Variants in PUDP observed in about 807,000 individuals in gnomAD.
The protein encoded by PUDP is pseudouridine-5'-phosphatase.
PUDP carries 8 observed loss-of-function variants against 9.4 expected under a neutral mutation model. The observed-to-expected ratio is 0.85, with a 90% CI of 0.50 to 1.53. PUDP has a LOEUF of 1.53. Among genes scored for constraint, PUDP ranks in the 40% most tolerant of loss-of-function variants. The probability of loss-of-function intolerance (pLI) is 0.00; values close to 1 mark genes in which losing one functional copy is unlikely to be tolerated. For missense variants in PUDP, 188 were observed against 189.7 expected (o/e 0.99, Z 0.05); for synonymous variants, 99 against 80.7 (o/e 1.23, Z -1.22).
chrX:6,778,942 C>T (rs1311376376), intron 3 of PUDP, among the ~76,000 whole-genome samples: 1 of 111,871 alleles, frequency 8.9e-6, no homozygotes, highest in Non-Finnish European at 1.9e-5. Flanking sequence ...TGCAGGAGTG[C>T]GGCCACAAAA....
At chrX:6,939,764 G>T (rs918220201) in intron 3 of PUDP, among the ~76,000 whole-genome samples, 12 of 107,611 alleles carry the variant, frequency 1.1e-4, no homozygotes, top group African/African-American at 4.1e-4. Context: ...TATGAGGGAG[G>T]ATCATAGCTC....
At chrX:6,903,269 C>T (rs967885782) in intron 3 of PUDP, among the ~76,000 whole-genome samples, 1 of 111,796 alleles carries the variant, frequency 8.9e-6, no homozygotes, top group Non-Finnish European at 1.9e-5. Context: ...ACTTTCAAAT[C>T]ACCTTTCACC....
At chrX:7,080,012 G>C (rs1424116032) in intron 2 of PUDP, among the ~76,000 whole-genome samples, 2 of 111,612 alleles carry the variant, frequency 1.8e-5, no homozygotes, top group Non-Finnish European at 3.8e-5. Flanking sequence ...AATAAAAGTA[G>C]AATACAGAAA....
intron 1 of PUDP, among the ~76,000 whole-genome samples, chrX:7,138,812 T>C (rs1463013004): frequency 1.8e-5 from 2 of 112,365 alleles, no homozygotes; most frequent in Non-Finnish European, 3.8e-5. Context: ...TTCCTTCTTG[T>C]GTTCTTACAC....
chrX:7,127,691 C>T (rs1932518721), intron 1 of PUDP, among the ~76,000 whole-genome samples: 1 of 112,236 alleles, frequency 8.9e-6, no homozygotes, highest in African/African-American at 3.2e-5. Context: ...TATTTTATTA[C>T]TTGTACTTTT....
chrX:6,802,977 T>TAAA (rs1410847407), intron 3 of PUDP, among the ~76,000 whole-genome samples: 3 of 8,770 alleles, frequency 3.4e-4, no homozygotes, highest in Non-Finnish European at 4.9e-4. Flanking sequence ...AAAATAAAAA[T>TAAA]ATAAAATAAA....
chrX:6,820,489 C>T (rs958430882), intron 3 of PUDP, among the ~76,000 whole-genome samples: 2 of 111,699 alleles, frequency 1.8e-5, no homozygotes, highest in Non-Finnish European at 3.8e-5. Flanking sequence ...TGCCTATGAG[C>T]CTGTAAAATC....
intron 3 of PUDP, among the ~76,000 whole-genome samples, chrX:6,783,360 G>T (rs755423464): frequency 9.0e-6 from 1 of 111,226 alleles, no homozygotes; most frequent in Non-Finnish European, 1.9e-5. Flanking sequence ...GGAACGCCCT[G>T]CTCTGTCTAT....
At chrX:6,784,198 A>C (rs956526191) in intron 3 of PUDP, among the ~76,000 whole-genome samples, 2 of 112,045 alleles carry the variant, frequency 1.8e-5, no homozygotes. Context: ...GCCCTCCAGC[A>C]GAAGTTTTAC....
chrX:6,838,618 G>A (rs893488919), intron 3 of PUDP, among the ~76,000 whole-genome samples: 1 of 112,150 alleles, frequency 8.9e-6, no homozygotes, highest in Admixed American at 9.5e-5. Context: ...GCCACTCATT[G>A]GCAATTAACT....
chrX:6,950,953 T>TG (rs1491228491), intron 3 of PUDP, among the ~76,000 whole-genome samples: 6 of 52,402 alleles, frequency 1.1e-4, no homozygotes, highest in Non-Finnish European at 2.5e-4. Flanking sequence ...TGGTTGTGTG[T>TG]TTTTTTTTTT....
intron 3 of PUDP, among the ~76,000 whole-genome samples, chrX:6,969,447 AT>A (rs1928838526): frequency 8.9e-6 from 1 of 112,116 alleles, no homozygotes; most frequent in South Asian, 3.7e-4. Context: ...TAGATCTCTT[AT>A]GTTTTTCAGA....
chrX:6,932,895 A>C (rs1427894367), intron 3 of PUDP, among the ~76,000 whole-genome samples: 130 of 110,554 alleles, frequency 1.2e-3, no homozygotes, highest in Admixed American at 2.6e-3. Flanking sequence ...ATCAAACTGC[A>C]AGGCGGCAAC....
rs774862731 is a variant in PUDP, at chrX:6,787,475, C to A, written c.*248-81009G>T. 3.4e-3 allele frequency among the ~76,000 whole-genome samples: 386 copies of A among 112,196 alleles called. 2 individuals carry two copies. Among genetic ancestry groups the A allele is most frequent in the Non-Finnish European group, 5.9e-3 (316 of 53,269 alleles). On this transcript the variant is annotated intron_variant and NMD_transcript_variant, in intron 3 of 3. Coordinates refer to the PUDP transcript ENST00000655425. Reference sequence around the variant, plus strand: ...ATTGCTGAAGACAATTTTCACATTTCTCTGTCTCTTGTCATATTGTGTTTT... The same window carrying A: ...ATTGCTGAAGACAATTTTCACATTTATCTGTCTCTTGTCATATTGTGTTTT...
At position 6,870,370 on chromosome X, in the gene PUDP, G is replaced by A. The variant is rs139132166; in HGVS notation, c.*247+106763C>T. 1.0e-3 allele frequency among the ~76,000 whole-genome samples: 112 copies of A among 111,832 alleles called. 1 individual carries two copies. The East Asian group carries it at 0.012, about 12-fold the overall frequency. On this transcript the variant is annotated intron_variant and NMD_transcript_variant, in intron 3 of 3. Coordinates refer to the PUDP transcript ENST00000655425. ...CTGGTGGAAGGTAACTGAATCATGG[G>A]GGCAGGTCTTTCCCATGCTGTTCTT...
intron 1 of PUDP, among the ~76,000 whole-genome samples, chrX:6,710,852 G>A (rs189904549): frequency 7.1e-4 from 79 of 111,842 alleles, no homozygotes; most frequent in African/African-American, 2.4e-3. Context: ...CACTGTGTAC[G>A]TCCCAGTTTT....
chrX:6,919,856 C>T (rs371443858), intron 3 of PUDP, among the ~76,000 whole-genome samples: 7 of 12,781 alleles, frequency 5.5e-4, no homozygotes, highest in African/African-American at 2.2e-3. Flanking sequence ...AAGACTCCAT[C>T]TCAAAAAAAA....
At chrX:6,966,888 A>G (rs2146790843) in intron 3 of PUDP, among the ~76,000 whole-genome samples, 1 of 111,553 alleles carries the variant, frequency 9.0e-6, no homozygotes, top group East Asian at 2.8e-4. Flanking sequence ...AGGAACAGGG[A>G]TGCTGGTTTT....
chrX:6,823,250 T>C (rs1242829493), intron 3 of PUDP, among the ~76,000 whole-genome samples: 1 of 111,491 alleles, frequency 9.0e-6, no homozygotes, highest in African/African-American at 3.3e-5. Flanking sequence ...GATAGATATA[T>C]CTTTGACATA....
Sources: gnomAD v4.1 joint callset for allele counts (sites outside exome capture counted in the v4.1 genomes callset) on GRCh38, gnomAD v4.1.1 for gene constraint, MANE v1.5 for transcripts, NCBI Gene and HGNC (gene_info 2026-07-23, HGNC 2026-07-21) for gene names.